Variants in TOGARAM2 observed in about 807,000 individuals in gnomAD.
TOGARAM2 encodes TOG array regulator of axonemal microtubules 2.
Under a neutral mutation model 93.3 loss-of-function variants are expected in TOGARAM2, and 85 were observed. The observed-to-expected ratio is 0.91, with a 90% confidence interval of 0.76 to 1.09. The LOEUF is 1.09. TOGARAM2 is among the 50% of genes least tolerant of loss of function. The probability of loss-of-function intolerance (pLI) is 0.00; values close to 1 mark genes in which losing one functional copy is unlikely to be tolerated. For synonymous variants in TOGARAM2, 593 were observed against 552.8 expected, an observed-to-expected ratio of 1.07 and a Z score of -1.02; for missense variants, 1,277 against 1,334.5, an observed-to-expected ratio of 0.96 and a Z score of 0.67.
intron 1 of TOGARAM2, among the ~76,000 whole-genome samples, chr2:28,963,064 G>A (rs1292288099): frequency 1.3e-5 from 2 of 151,964 alleles, no homozygotes; most frequent in Admixed American, 6.6e-5. Flanking sequence ...CTGGGCTCAC[G>A]TGATCTTCCC....
At chr2:28,979,148 T>C (rs1672077104), upstream of TOGARAM2, among the ~76,000 whole-genome samples, 1 of 152,116 alleles carries the variant, frequency 6.6e-6, no homozygotes, top group Non-Finnish European at 1.5e-5. Flanking sequence ...AGGCAGCTCC[T>C]GGCTCCCCCA....
intron 6 of TOGARAM2, 45 bp from the exon 7 acceptor site, chr2:29,011,410 G>C (rs1664237977): frequency 6.2e-7 from 1 of 1,600,804 alleles, no homozygotes; most frequent in Non-Finnish European, 8.5e-7. Context: ...AGTGTCTCTG[G>C]CTGGCCATCC....
At chr2:29,034,076 C>T (rs775078668) in intron 16 of TOGARAM2, among the ~76,000 whole-genome samples, 1 of 152,112 alleles carries the variant, frequency 6.6e-6, no homozygotes, top group Non-Finnish European at 1.5e-5. Context: ...CTGTAATGTC[C>T]TGGGCTGATC....
intron 13 of TOGARAM2, among the ~76,000 whole-genome samples, chr2:29,025,640 G>A (rs1396870154): frequency 1.3e-5 from 2 of 152,176 alleles, no homozygotes; most frequent in Non-Finnish European, 2.9e-5. Context: ...TGCTGAGTAG[G>A]GAGAGTTCTG....
At chr2:29,035,442 A>G (rs1572766775) in intron 16 of TOGARAM2, 22 bp from the exon 17 acceptor site, 6 of 1,336,950 alleles carry the variant, frequency 4.5e-6, no homozygotes, top group Non-Finnish European at 5.8e-6. Flanking sequence ...TGGGGGGTTC[A>G]GACGCCACGC....
intron 18 of TOGARAM2, among the ~76,000 whole-genome samples, chr2:29,038,288 C>T (rs1666237443): frequency 6.6e-6 from 1 of 152,020 alleles, no homozygotes; most frequent in Admixed American, 6.6e-5. Flanking sequence ...TGATAATGTA[C>T]CCTCTGGTTC....
chr2:29,010,302 G>A (rs1333396815), intron 6 of TOGARAM2, among the ~76,000 whole-genome samples: 3 of 152,128 alleles, frequency 2.0e-5, no homozygotes, highest in African/African-American at 4.8e-5. Context: ...AAGGCCTAGT[G>A]GGCGAGCTCC....
chr2:28,971,426 GTTCTCGAAC>G (rs1265689367), intron 1 of TOGARAM2, among the ~76,000 whole-genome samples: 1 of 152,108 alleles, frequency 6.6e-6, no homozygotes, highest in Admixed American at 6.5e-5. Flanking sequence ...TGCCCAGGCT[GTTCTCGAAC>G]TCCCCAGCTC....
chr2:28,969,944 C>A (rs1469895672), intron 1 of TOGARAM2, among the ~76,000 whole-genome samples: 1 of 151,678 alleles, frequency 6.6e-6, no homozygotes, highest in Non-Finnish European at 1.5e-5. Flanking sequence ...TCCCAAGTAG[C>A]TGAGATTACA....
At chr2:29,001,775 G>A (rs955630018) in intron 4 of TOGARAM2, among the ~76,000 whole-genome samples, 9 of 152,132 alleles carry the variant, frequency 5.9e-5, no homozygotes, top group Admixed American at 2.6e-4. Flanking sequence ...GATTACAGGC[G>A]TGAGCCACTG....
chr2:29,019,047 T>G (rs1266094871), intron 10 of TOGARAM2, among the ~76,000 whole-genome samples: 1 of 152,194 alleles, frequency 6.6e-6, no homozygotes, highest in African/African-American at 2.4e-5. Context: ...GATTTGAAAT[T>G]CTTTTGTGAT....
intron 1 of TOGARAM2, among the ~76,000 whole-genome samples, chr2:28,992,729 C>T (rs758368713): frequency 6.6e-6 from 1 of 152,170 alleles, no homozygotes; most frequent in Non-Finnish European, 1.5e-5. Context: ...ATCTGAACTA[C>T]AGACCAGTGA....
chr2:29,036,721 G>A lies in TOGARAM2; in HGVS notation c.2599G>A (p.Ala867Thr). The change falls in exon 18 of 20, where the codon GCC becomes ACC. Residue 867 changes from alanine to threonine, a missense_variant. By Grantham distance (58) the Ala-to-Thr change is moderately conservative. Coordinates refer to ENST00000379558, the MANE Select transcript of TOGARAM2 (RefSeq NM_199280.4). ...CAAGAACTCAGGGATTTACGCTGCTGCCGTGGCTGTGCTGGATGCGATGGT... is the reference window on the plus strand; with the variant it reads ...CAAGAACTCAGGGATTTACGCTGCTACCGTGGCTGTGCTGGATGCGATGGT... The part of the protein sequence containing the change: ...NSKNSGIYAA[A>T]VAVLDAMVES... 7 of 1,613,932 alleles carry A rather than the reference G, an allele frequency of 4.3e-6. No individual in the cohort carries two copies. The highest frequency in any genetic ancestry group is 5.9e-6 in the Non-Finnish European group (7 of 1,179,868).
intron 4 of TOGARAM2, among the ~76,000 whole-genome samples, chr2:29,001,273 C>A (rs1287412071): frequency 1.3e-5 from 2 of 152,178 alleles, no homozygotes; most frequent in Non-Finnish European, 2.9e-5. Flanking sequence ...ACAGAACCAG[C>A]ACCGGAAGCC....
At chr2:29,023,252 CGCT>C in intron 12 of TOGARAM2, 61 bp downstream of exon 12, 1 of 1,342,784 alleles carries the variant, frequency 7.4e-7, no homozygotes, top group Non-Finnish European at 1.0e-6. Flanking sequence ...GGATGCAGTC[CGCT>C]AGCAGCTGTG....
chr2:28,976,281 G>T (rs1478985243), intron 1 of TOGARAM2, among the ~76,000 whole-genome samples: 2 of 152,198 alleles, frequency 1.3e-5, no homozygotes, highest in Admixed American at 6.5e-5. Flanking sequence ...TGAGGCAGGA[G>T]AATGGCGTGA....
Position 29,003,580 on chromosome 2 carries a change from C to G in TOGARAM2, c.728C>G (p.Ala243Gly). ...GAIVIPPIPKARTVAATPSRV... is the reference protein window; with the variant it reads ...GAIVIPPIPKGRTVAATPSRV... Reference sequence around the variant, plus strand: ...ATCGTGATCCCACCCATCCCAAAGGCCAGGACGGTTGCAGCGACCCCCTCC... The same window carrying G: ...ATCGTGATCCCACCCATCCCAAAGGGCAGGACGGTTGCAGCGACCCCCTCC... Residue 243 changes from alanine (A) to glycine (G), a missense_variant, in exon 6 of 20, where the codon GCC (alanine) becomes GGC (glycine). Ala to Gly is a moderately conservative substitution (Grantham distance 60). Coordinates refer to ENST00000379558, the MANE Select transcript of TOGARAM2 (RefSeq NM_199280.4). The G allele has an allele frequency of 1.3e-6, 2 of 1,596,760 alleles. No homozygotes were observed. The highest frequency in any genetic ancestry group is 1.7e-6 in the Non-Finnish European group (2 of 1,172,412).
At chr2:29,030,451 G>C (rs17007465) in intron 14 of TOGARAM2, among the ~76,000 whole-genome samples, 1 of 151,574 alleles carries the variant, frequency 6.6e-6, no homozygotes, top group Admixed American at 6.6e-5. Context: ...GTGTAACTCT[G>C]CCATGCAACG....
At chr2:28,978,803 G>A (rs985390412), upstream of TOGARAM2, among the ~76,000 whole-genome samples, 4 of 152,024 alleles carry the variant, frequency 2.6e-5, no homozygotes, top group Non-Finnish European at 5.9e-5. Context: ...AGGAGAGTCG[G>A]GGCAATGACT....
Sources: allele counts gnomAD v4.1 joint callset (sites outside exome capture counted in the v4.1 genomes callset), GRCh38; gene constraint gnomAD v4.1.1; transcripts MANE v1.5; gene names NCBI Gene and HGNC (gene_info 2026-07-23, HGNC 2026-07-21).